The following CLIC5 variants were observed in gnomAD, a reference collection of about 807,000 sequenced individuals.
CLIC5 encodes the protein chloride intracellular channel protein 5.
Under a neutral mutation model 24.7 loss-of-function variants are expected in CLIC5, and 20 were observed. The ratio of observed to expected loss-of-function variants is 0.81; its 90% confidence interval spans 0.57 to 1.18. CLIC5 has a LOEUF of 1.18. Among genes scored for constraint, CLIC5 ranks in the 50% most tolerant of loss-of-function variants. The pLI is 0.00. For missense variants in CLIC5, 341 were observed against 326.1 expected, an observed-to-expected ratio of 1.05 and a Z score of -0.35; for synonymous variants, 159 against 135.6, an observed-to-expected ratio of 1.17 and a Z score of -1.20.
At chr6:46,005,175 G>A (rs753537291) in intron 1 of CLIC5, among the ~76,000 whole-genome samples, 3 of 152,158 alleles carry the variant, frequency 2.0e-5, no homozygotes, top group South Asian at 4.1e-4. Context: ...GTGTTACTTC[G>A]TCTCTATTCT....
At chr6:46,084,766 C>T (rs1354053062), upstream of CLIC5, among the ~76,000 whole-genome samples, 2 of 152,140 alleles carry the variant, frequency 1.3e-5, no homozygotes, top group African/African-American at 4.8e-5. Context: ...AGATGCTTTT[C>T]TCGAGGAGAA....
At chr6:45,907,681 T>A (rs1276281396) in intron 5 of CLIC5, among the ~76,000 whole-genome samples, 1 of 152,156 alleles carries the variant, frequency 6.6e-6, no homozygotes. Context: ...TAGGTTTTTT[T>A]AAATTACTGA....
chr6:45,941,667 T>G lies in CLIC5; in HGVS notation c.300-14A>C, dbSNP rs569172476. The G allele has an allele frequency of 1.3e-6, 2 of 1,592,740 alleles. No homozygotes were observed. The highest frequency in any genetic ancestry group is 2.2e-5 in the East Asian group (1 of 44,756). On this transcript the variant is annotated splice_polypyrimidine_tract_variant and intron_variant, in intron 3 of 5. Transcript: ENST00000339561. Reference sequence around the variant, plus strand: ...AGTTTGGGGTACCTGGAATGGAGGATGCAGTGTTCTGTGAATCAGTAGACT... The same window carrying G: ...AGTTTGGGGTACCTGGAATGGAGGAGGCAGTGTTCTGTGAATCAGTAGACT...
In CLIC5 at chr6:45,899,430, A is replaced by C. The variant is rs1020569835; in HGVS notation, c.*3658T>G. ...CCCCTGGCCAGTGGGAATTGAGGCG[A>C]GTCACAGAAGTACTTACCAAATACT... On this transcript the variant is annotated 3_prime_UTR_variant, in exon 6 of 6. Transcript: ENST00000339561. The C allele has an allele frequency of 1.3e-5, 2 of 152,254 alleles. No individual in the cohort carries two copies. The highest frequency in any genetic ancestry group is 2.4e-5 in the African/African-American group (1 of 41,464). The allele number at this position is 152,254 out of a possible 1,614,324, so 9.4% of individuals were successfully genotyped here. A position where few individuals can be genotyped will look rare whatever the true frequency, so the allele number is the denominator to read the frequency against.
intron 1 of CLIC5, among the ~76,000 whole-genome samples, chr6:46,005,939 T>C (rs1389966713): frequency 2.0e-5 from 3 of 148,384 alleles, no homozygotes; most frequent in Non-Finnish European, 4.5e-5. Flanking sequence ...CATGGCATTT[T>C]GTCATAGCAG....
At chr6:45,932,050 T>A (rs6914060) in intron 4 of CLIC5, among the ~76,000 whole-genome samples, 3,183 of 152,324 alleles carry the variant, frequency 0.021, 123 homozygotes, top group African/African-American at 0.073. Context: ...TGGTCCTTTC[T>A]GTTGATGGGA....
intron 1 of CLIC5, among the ~76,000 whole-genome samples, chr6:45,967,854 G>A (rs559734435): frequency 6.6e-5 from 10 of 152,226 alleles, no homozygotes; most frequent in South Asian, 2.1e-4. Flanking sequence ...CTATCAGAGC[G>A]AGAACTCACT....
chr6:46,083,706 A>G (rs1762971622), upstream of CLIC5, among the ~76,000 whole-genome samples: 1 of 152,114 alleles, frequency 6.6e-6, no homozygotes, highest in Non-Finnish European at 1.5e-5. Flanking sequence ...TATGTGGTCA[A>G]TTTTGGAATA....
chr6:46,095,835 C>G, the CLIC5 span, among the ~76,000 whole-genome samples: 1 of 152,160 alleles, frequency 6.6e-6, no homozygotes, highest in African/African-American at 2.4e-5. Flanking sequence ...TTATCCCAAC[C>G]CCTGGTACCA....
chr6:46,119,453 C>T, the CLIC5 span, among the ~76,000 whole-genome samples: 4 of 152,166 alleles, frequency 2.6e-5, no homozygotes, highest in Non-Finnish European at 5.9e-5. Flanking sequence ...GACTGGTTGG[C>T]GGTTCCAACA....
chr6:45,881,204 C>A (rs1195734069), intron 6 of CLIC5: 2 of 398,074 alleles, frequency 5.0e-6, no homozygotes, highest in Admixed American at 8.8e-5. Context: ...AGTAAAGAAA[C>A]AACAGGATTT....
chr6:45,947,122 G>A (rs1016996230), intron 3 of CLIC5, among the ~76,000 whole-genome samples: 3 of 152,162 alleles, frequency 2.0e-5, no homozygotes, highest in African/African-American at 7.2e-5. Flanking sequence ...AAATGATGAC[G>A]AAGTCAGATG....
chr6:45,921,722 C>T (rs1370516168), intron 4 of CLIC5, among the ~76,000 whole-genome samples: 1 of 152,158 alleles, frequency 6.6e-6, no homozygotes, highest in Non-Finnish European at 1.5e-5. Flanking sequence ...CAGGATGAAG[C>T]TTGCTCTTGA....
intron 1 of CLIC5, among the ~76,000 whole-genome samples, chr6:46,065,233 T>G (rs1003576885): frequency 4.6e-5 from 7 of 152,116 alleles, no homozygotes; most frequent in Non-Finnish European, 1.0e-4. Context: ...AATGCCGTGA[T>G]ATATTTATCA....
chr6:45,920,533 C>T (rs1026723933), intron 4 of CLIC5: 3 of 348,440 alleles, frequency 8.6e-6, no homozygotes, highest in Non-Finnish European at 1.2e-5. Context: ...CTGGCCATCA[C>T]ATATTTTTGA....
intron 2 of CLIC5, among the ~76,000 whole-genome samples, chr6:45,950,386 C>A (rs1276627033): frequency 2.0e-5 from 3 of 151,294 alleles, no homozygotes; most frequent in Non-Finnish European, 2.9e-5. Flanking sequence ...CATAGCAAGA[C>A]CCCCATCTTT....
At chr6:46,065,767 C>T (rs1384259824) in intron 1 of CLIC5, among the ~76,000 whole-genome samples, 1 of 152,152 alleles carries the variant, frequency 6.6e-6, no homozygotes, top group Non-Finnish European at 1.5e-5. Context: ...TGGGAAGGGA[C>T]TCACAGCAAA....
chr6:46,094,613 G>A, the CLIC5 span, among the ~76,000 whole-genome samples: 1 of 152,156 alleles, frequency 6.6e-6, no homozygotes, highest in Non-Finnish European at 1.5e-5. Context: ...CACATCCAGG[G>A]AACACTGGTG....
intron 5 of CLIC5, among the ~76,000 whole-genome samples, chr6:45,904,215 C>T (rs933169756): frequency 6.6e-6 from 1 of 152,118 alleles, no homozygotes; most frequent in Non-Finnish European, 1.5e-5. Context: ...ATAATAAAAC[C>T]TACTTTGGAG....
Sources: gnomAD v4.1 joint callset for allele counts (sites outside exome capture counted in the v4.1 genomes callset) on GRCh38, gnomAD v4.1.1 for gene constraint, MANE v1.5 for transcripts, NCBI Gene and HGNC (gene_info 2026-07-23, HGNC 2026-07-21) for gene names.